Variants in SYT14 observed in about 807,000 individuals in gnomAD.
The protein encoded by SYT14 is synaptotagmin 14, also known as synaptotagmin-14.
A neutral mutation model predicts 74.2 loss-of-function variants in SYT14; 32 were observed. The observed-to-expected ratio is 0.43, with a 90% CI of 0.33 to 0.58. The LOEUF is 0.58. Among genes scored for constraint, SYT14 ranks in the 20% least tolerant of loss-of-function variants. The pLI, the probability that SYT14 is intolerant of heterozygous loss-of-function variation, is 0.05. For missense variants in SYT14, 791 were observed against 981.8 expected (o/e 0.81, Z 2.60); for synonymous variants, 298 against 337.7 (o/e 0.88, Z 1.29).
chr1:210,086,129 A>C (rs1381901538), intron 5 of SYT14, among the ~76,000 whole-genome samples: 1 of 152,106 alleles, frequency 6.6e-6, no homozygotes, highest in Non-Finnish European at 1.5e-5. Context: ...TATTTTATAG[A>C]GGTATCCTAT....
At chr1:210,070,910 A>T (rs1243620865) in intron 5 of SYT14, among the ~76,000 whole-genome samples, 3 of 116,300 alleles carry the variant, frequency 2.6e-5, no homozygotes, top group Non-Finnish European at 5.2e-5. Flanking sequence ...GTTGGGTATA[A>T]TTTTTTTTTT....
At chr1:210,123,472 A>G (rs1205667543) in intron 7 of SYT14, among the ~76,000 whole-genome samples, 1 of 152,212 alleles carries the variant, frequency 6.6e-6, no homozygotes, top group Non-Finnish European at 1.5e-5. Context: ...TAAAAACAAG[A>G]TAATCACTAA....
chr1:210,026,286 G>A (rs227230), intron 5 of SYT14, among the ~76,000 whole-genome samples: 52,065 of 151,642 alleles, frequency 0.34, 9,895 homozygotes, highest in Non-Finnish European at 0.42. Context: ...AATATGGTTC[G>A]TGGATATCCC....
chr1:209,988,828 A>G (rs1558113492), intron 2 of SYT14, among the ~76,000 whole-genome samples: 1 of 151,982 alleles, frequency 6.6e-6, no homozygotes, highest in Non-Finnish European at 1.5e-5. Context: ...GTTTCCTTAC[A>G]TGTATGTGCT....
chr1:210,051,804 A>C (rs1030432694), intron 5 of SYT14, among the ~76,000 whole-genome samples: 1 of 152,168 alleles, frequency 6.6e-6, no homozygotes, highest in African/African-American at 2.4e-5. Context: ...TCCCACGTTC[A>C]TGAGAAATAC....
At chr1:210,163,116 T>C (rs1294936479) in exon 10 of SYT14, 1 of 453,332 alleles carries the variant, frequency 2.2e-6, no homozygotes, top group African/African-American at 2.0e-5. Flanking sequence ...ACTGCATTGC[T>C]AACAACTGTT....
chr1:210,086,453 G>A (rs2081734109), intron 5 of SYT14, among the ~76,000 whole-genome samples: 1 of 152,300 alleles, frequency 6.6e-6, no homozygotes, highest in Non-Finnish European at 1.5e-5. Context: ...CAGATGGTTA[G>A]TGGTCAGTGG....
At chr1:209,979,083 A>G (rs1455371648) in intron 2 of SYT14, among the ~76,000 whole-genome samples, 2 of 152,026 alleles carry the variant, frequency 1.3e-5, no homozygotes, top group Non-Finnish European at 2.9e-5. Flanking sequence ...GAGTGACCCA[A>G]TTTTCCGGGT....
chr1:210,118,035 T>G (rs2082392722), intron 7 of SYT14, among the ~76,000 whole-genome samples: 1 of 152,226 alleles, frequency 6.6e-6, no homozygotes, highest in Non-Finnish European at 1.5e-5. Flanking sequence ...ATTGTTTTCC[T>G]TTGCTGCTCT....
chr1:210,039,460 G>A (rs1415133938), intron 5 of SYT14, among the ~76,000 whole-genome samples: 1 of 152,104 alleles, frequency 6.6e-6, no homozygotes, highest in African/African-American at 2.4e-5. Context: ...ATACCATTCA[G>A]GACATAGGCA....
At chr1:209,999,472 A>G (rs1321330951) in intron 2 of SYT14, among the ~76,000 whole-genome samples, 2 of 152,184 alleles carry the variant, frequency 1.3e-5, no homozygotes, top group African/African-American at 4.8e-5. Context: ...TTGCAGCACT[A>G]TTCACAATAG....
intron 7 of SYT14, among the ~76,000 whole-genome samples, chr1:210,137,848 T>G (rs1572363838): frequency 6.6e-6 from 1 of 152,178 alleles, no homozygotes; most frequent in South Asian, 2.1e-4. Flanking sequence ...GCCCAGCTAA[T>G]TTTTGTATTT....
Position 209,973,442 on chromosome 1 carries a change from A to C in SYT14, c.-486+20686A>C, listed in dbSNP as rs950089225. On this transcript the variant is annotated intron_variant, in intron 2 of 9. Transcript: ENST00000637265. ...TGTTCTTATTGTTCAGTTCCCACCT[A>C]TGAGTGAGAATATGTGATGTTTGGG... 9.2e-5 allele frequency among the ~76,000 whole-genome samples: 14 copies of C among 151,962 alleles called. 1 individual carries two copies. Among genetic ancestry groups the C allele is most frequent in the Admixed American group, 9.2e-4 (14 of 15,260 alleles).
chr1:209,997,928 A>G (rs2079827280), intron 2 of SYT14, among the ~76,000 whole-genome samples: 2 of 152,184 alleles, frequency 1.3e-5, no homozygotes, highest in Admixed American at 1.3e-4. Context: ...TGACTACTCC[A>G]TGGAAATTAT....
At chr1:210,096,893 CTATT>C (rs1463618719) in intron 6 of SYT14, among the ~76,000 whole-genome samples, 1 of 152,216 alleles carries the variant, frequency 6.6e-6, no homozygotes, top group Non-Finnish European at 1.5e-5. Flanking sequence ...AAGTTATTAA[CTATT>C]TATATTTAAT....
intron 2 of SYT14, among the ~76,000 whole-genome samples, chr1:209,986,785 G>A (rs973843024): frequency 2.0e-5 from 3 of 151,942 alleles, no homozygotes; most frequent in Admixed American, 6.6e-5. Flanking sequence ...CACCATGCCC[G>A]GCTAATTTTT....
chr1:210,033,033 G>C (rs2080577430), intron 5 of SYT14, among the ~76,000 whole-genome samples: 1 of 151,636 alleles, frequency 6.6e-6, no homozygotes, highest in Non-Finnish European at 1.5e-5. Flanking sequence ...ATAAGAATTA[G>C]GGGAGACAAA....
chr1:210,062,677 T>C (rs2081227461), intron 5 of SYT14, among the ~76,000 whole-genome samples: 1 of 151,914 alleles, frequency 6.6e-6, no homozygotes, highest in South Asian at 2.1e-4. Flanking sequence ...TCCTGTACCT[T>C]TCACTCCCAT....
intron 2 of SYT14, among the ~76,000 whole-genome samples, chr1:210,001,956 A>G (rs763477048): frequency 1.3e-5 from 2 of 152,132 alleles, no homozygotes; most frequent in Non-Finnish European, 1.5e-5. Flanking sequence ...AGCCATTGGA[A>G]GGTTTTGACC....
Sources: allele counts gnomAD v4.1 joint callset (sites outside exome capture counted in the v4.1 genomes callset), GRCh38; gene constraint gnomAD v4.1.1; transcripts MANE v1.5; gene names NCBI Gene and HGNC (gene_info 2026-07-23, HGNC 2026-07-21).